MCC: variants seen among roughly 807,000 people sequenced by gnomAD.
The protein encoded by MCC is colorectal mutant cancer protein.
In MCC, 90 loss-of-function variants were observed where a neutral mutation model predicts 116.2. The ratio of observed to expected loss-of-function variants is 0.77; its 90% CI spans 0.65 to 0.92. The LOEUF is 0.92. MCC is among the 40% of genes least tolerant of loss of function. MCC has a pLI of 0.00. For missense variants in MCC, 1,516 were observed against 1,312.2 expected (o/e 1.16, Z -2.40); for synonymous variants, 578 against 510.5 (o/e 1.13, Z -1.78).
intron 3 of MCC, among the ~76,000 whole-genome samples, chr5:113,200,869 G>C (rs1245903668): frequency 6.6e-6 from 1 of 152,178 alleles, no homozygotes; most frequent in Non-Finnish European, 1.5e-5. Flanking sequence ...AAGCAAGGAA[G>C]GGATTTCGTT....
chr5:113,332,031 G>C lies in MCC; in HGVS notation c.627+8488C>G, dbSNP rs148520746. ...CTTGAGAACTCCTGATGACAACAAC[G>C]TCATCTTGAGACAGCTCTTAGACTA... is the stretch of plus-strand genomic sequence containing the variant. On this transcript the variant is annotated intron_variant, in intron 3 of 18. Coordinates refer to ENST00000408903, the MANE Select transcript of MCC (RefSeq NM_001085377.2). Among the ~76,000 whole-genome samples the C allele has an allele frequency of 5.4e-4, 82 of 151,538 alleles. 3 individuals are homozygous for C. The highest frequency in any genetic ancestry group is 1.8e-3 in the African/African-American group (72 of 40,978).
At chr5:113,331,434 C>A (rs192742641) in intron 3 of MCC, among the ~76,000 whole-genome samples, 10 of 151,090 alleles carry the variant, frequency 6.6e-5, no homozygotes, top group Admixed American at 3.3e-4. Flanking sequence ...GTGTTAGTAG[C>A]GGATGTCAGG....
chr5:113,116,877 A>G (rs778168157), intron 6 of MCC, among the ~76,000 whole-genome samples: 22 of 152,248 alleles, frequency 1.4e-4, no homozygotes, highest in Admixed American at 2.0e-4. Context: ...ATCAATGTTC[A>G]AACTGTTAAC....
intron 6 of MCC, among the ~76,000 whole-genome samples, chr5:113,108,405 A>C (rs1756880396): frequency 6.6e-6 from 1 of 150,408 alleles, no homozygotes; most frequent in Admixed American, 6.6e-5. Context: ...CTATAATCCC[A>C]GCACTTTGGG....
chr5:113,404,421 A>G (rs2150400046), intron 1 of MCC, among the ~76,000 whole-genome samples: 1 of 152,324 alleles, frequency 6.6e-6, no homozygotes, highest in East Asian at 1.9e-4. Context: ...ACAGAAAGTC[A>G]CCAATGTAAC....
chr5:113,293,171 G>A (rs543980222), intron 3 of MCC, among the ~76,000 whole-genome samples: 39 of 152,020 alleles, frequency 2.6e-4, no homozygotes, highest in African/African-American at 8.4e-4. Flanking sequence ...CCAGCCCGAC[G>A]GCAGACCTCC....
At position 113,151,433 on chromosome 5, in the gene MCC, A is replaced by G. The variant is rs1180046753; in HGVS notation, c.628-11T>C. ...GGCTGCTGAATGGAGCTGTGGTGAC[A>G]GAAAGGAGGAGATTAGAGTATTGTA... On this transcript the variant is annotated splice_polypyrimidine_tract_variant and intron_variant, in intron 3 of 18. Coordinates refer to ENST00000408903, the MANE Select transcript of MCC (RefSeq NM_001085377.2). The G allele has an allele frequency of 2.8e-6, 4 of 1,448,676 alleles. No individual in the cohort carries two copies. Among genetic ancestry groups the G allele is most frequent in the Admixed American group, 1.7e-5 (1 of 58,538 alleles). 89.7% of individuals were successfully genotyped at this position (1,448,676 alleles called of 1,614,324 possible). A position where few individuals can be genotyped will look rare whatever the true frequency, so the allele number is the denominator to read the frequency against.
intron 1 of MCC, among the ~76,000 whole-genome samples, chr5:113,402,958 G>C (rs977300753): frequency 3.3e-5 from 5 of 152,056 alleles, no homozygotes; most frequent in Non-Finnish European, 7.4e-5. Context: ...TGTAGAGACA[G>C]GTCAATTTTT....
intron 6 of MCC, among the ~76,000 whole-genome samples, chr5:113,119,565 G>A (rs1312296715): frequency 6.6e-6 from 1 of 152,250 alleles, no homozygotes; most frequent in African/African-American, 2.4e-5. Flanking sequence ...GGACCGCCCT[G>A]TTGGCTGCGT....
chr5:113,293,854 G>A (rs1312184293), intron 3 of MCC, among the ~76,000 whole-genome samples: 1 of 152,254 alleles, frequency 6.6e-6, no homozygotes. Context: ...TTGCCTGAAC[G>A]TAGCCAAACG....
chr5:113,463,427 G>A (rs1025864823), intron 1 of MCC, among the ~76,000 whole-genome samples: 1 of 152,184 alleles, frequency 6.6e-6, no homozygotes, highest in South Asian at 2.1e-4. Context: ...AAGGGAGATG[G>A]AAAGAAGTAG....
intron 2 of MCC, among the ~76,000 whole-genome samples, chr5:113,377,096 G>C (rs993456488): frequency 6.6e-6 from 1 of 152,182 alleles, no homozygotes; most frequent in Non-Finnish European, 1.5e-5. Flanking sequence ...CAGAAGGAAG[G>C]CTGATGACAT....
intron 3 of MCC, among the ~76,000 whole-genome samples, chr5:113,196,414 C>CT (rs1469204865): frequency 1.3e-5 from 2 of 152,220 alleles, no homozygotes; most frequent in African/African-American, 2.4e-5. Flanking sequence ...TACCAGGCAT[C>CT]TGCTTCTCAA....
chr5:113,101,062 C>G (rs1756376952), intron 8 of MCC, among the ~76,000 whole-genome samples: 1 of 152,156 alleles, frequency 6.6e-6, no homozygotes, highest in African/African-American at 2.4e-5. Context: ...ACATTTCTAT[C>G]CTGAAACATT....
At chr5:113,182,712 C>T (rs1446405229) in intron 3 of MCC, among the ~76,000 whole-genome samples, 1 of 152,244 alleles carries the variant, frequency 6.6e-6, no homozygotes, top group African/African-American at 2.4e-5. Context: ...TTTGCATTTA[C>T]ATGCCAGTCT....
intron 6 of MCC, among the ~76,000 whole-genome samples, chr5:113,105,307 C>G (rs898874930): frequency 7.2e-5 from 11 of 152,192 alleles, no homozygotes; most frequent in Non-Finnish European, 1.5e-4. Context: ...ACCACAGGTT[C>G]CATGTACTAA....
At chr5:113,487,960 C>A (rs1037521616) in intron 1 of MCC, among the ~76,000 whole-genome samples, 1 of 152,144 alleles carries the variant, frequency 6.6e-6, no homozygotes, top group Non-Finnish European at 1.5e-5. Flanking sequence ...GAAGAACACT[C>A]CAAGCCCCCG....
In MCC at chr5:113,073,760, C is replaced by T. The variant is rs373178858; in HGVS notation, c.1785-2526G>A. ...AATTAACCTTCTCTGGGGTCCCACGCCCACGGAGCTTCGCTCACTGCTAGC... is the reference window on the plus strand; with the variant it reads ...AATTAACCTTCTCTGGGGTCCCACGTCCACGGAGCTTCGCTCACTGCTAGC... On this transcript the variant is annotated intron_variant, in intron 11 of 18. Coordinates refer to ENST00000408903, the MANE Select transcript of MCC (RefSeq NM_001085377.2). 3.4e-4 allele frequency among the ~76,000 whole-genome samples: 52 copies of T among 152,262 alleles called. 1 individual carries two copies. The highest frequency in any genetic ancestry group is 1.2e-3 in the African/African-American group (50 of 41,552).
intron 3 of MCC, among the ~76,000 whole-genome samples, chr5:113,278,107 AT>A (rs1765896225): frequency 6.6e-6 from 1 of 152,214 alleles, no homozygotes; most frequent in African/African-American, 2.4e-5. Flanking sequence ...TCCAACAGCC[AT>A]GACAACATGG....
Sources: gnomAD v4.1 joint callset for allele counts (sites outside exome capture counted in the v4.1 genomes callset) on GRCh38, gnomAD v4.1.1 for gene constraint, MANE v1.5 for transcripts, NCBI Gene and HGNC (gene_info 2026-07-23, HGNC 2026-07-21) for gene names.